The following RMDN2 variants were observed in gnomAD, a reference collection of about 807,000 sequenced individuals.
The protein encoded by RMDN2 is regulator of microtubule dynamics 2.
In RMDN2, 61 loss-of-function variants were observed where a neutral mutation model predicts 52.8. The observed-to-expected ratio is 1.16, with a 90% CI of 0.94 to 1.43. The LOEUF (loss-of-function observed/expected upper bound fraction) is 1.43. Among genes scored for constraint, RMDN2 ranks in the 40% most tolerant of loss-of-function variants. The pLI is 0.00. For synonymous variants in RMDN2, 180 were observed against 153.1 expected (o/e 1.18, Z -1.30); for missense variants, 592 against 475.3 (o/e 1.25, Z -2.28).
At chr2:38,062,956 T>C (rs1682118347) in intron 10 of RMDN2, among the ~76,000 whole-genome samples, 1 of 152,198 alleles carries the variant, frequency 6.6e-6, no homozygotes, top group Non-Finnish European at 1.5e-5. Context: ...CTCATCATTT[T>C]TTATGGTTGC....
chr2:38,052,583 C>T (rs1681667648), intron 10 of RMDN2, among the ~76,000 whole-genome samples: 1 of 152,100 alleles, frequency 6.6e-6, no homozygotes, highest in Admixed American at 6.6e-5. Context: ...GAGTCTTAGC[C>T]ATAAAATCTT....
At chr2:37,992,088 A>G (rs1365195646) in intron 7 of RMDN2, among the ~76,000 whole-genome samples, 2 of 152,192 alleles carry the variant, frequency 1.3e-5, no homozygotes, top group Non-Finnish European at 1.5e-5. Context: ...TCTGTCCTTT[A>G]TATTTCTTGC....
chr2:37,920,936 G>A (rs139918355), upstream of RMDN2, among the ~76,000 whole-genome samples: 63 of 152,270 alleles, frequency 4.1e-4, no homozygotes, highest in African/African-American at 1.1e-3. Context: ...GAAATACTGC[G>A]GAAAACCACT....
chr2:37,935,286 T>C (rs752840332), intron 2 of RMDN2, among the ~76,000 whole-genome samples: 2 of 152,254 alleles, frequency 1.3e-5, no homozygotes, highest in African/African-American at 2.4e-5. Flanking sequence ...ATACAGATTT[T>C]TGAGGTTTTA....
chr2:37,944,227 G>T (rs1668034991), intron 2 of RMDN2, among the ~76,000 whole-genome samples: 1 of 151,536 alleles, frequency 6.6e-6, no homozygotes, highest in South Asian at 2.1e-4. Flanking sequence ...ACTGGAGTTT[G>T]CTTTAGTTTT....
intron 10 of RMDN2, among the ~76,000 whole-genome samples, chr2:38,046,839 C>A (rs1681302319): frequency 6.6e-6 from 1 of 151,968 alleles, no homozygotes; most frequent in African/African-American, 2.4e-5. Flanking sequence ...AAAAATTAGC[C>A]AGGCCTAGTG....
intron 4 of RMDN2, among the ~76,000 whole-genome samples, chr2:37,980,306 TG>T (rs1424047786): frequency 6.6e-6 from 1 of 152,118 alleles, no homozygotes; most frequent in African/African-American, 2.4e-5. Context: ...TTATTATTTT[TG>T]GTTTTTTTTT....
intron 10 of RMDN2, among the ~76,000 whole-genome samples, chr2:38,050,913 T>G (rs1055905124): frequency 6.6e-6 from 1 of 152,150 alleles, no homozygotes; most frequent in South Asian, 2.1e-4. Context: ...AGCTGTGCAT[T>G]ACTACGCCCG....
chr2:37,938,097 G>A (rs1558442708), intron 2 of RMDN2, among the ~76,000 whole-genome samples: 1 of 152,162 alleles, frequency 6.6e-6, no homozygotes, highest in Non-Finnish European at 1.5e-5. Context: ...TTTTTAGCAT[G>A]AAGGGGTGTT....
chr2:38,041,431 T>TTTC (rs1363464804), intron 10 of RMDN2, among the ~76,000 whole-genome samples: 1 of 148,774 alleles, frequency 6.7e-6, no homozygotes, highest in Middle Eastern at 3.2e-3. Context: ...TTATTGGTTT[T>TTTC]TTTTTTTTTT....
intron 10 of RMDN2, among the ~76,000 whole-genome samples, chr2:38,009,750 T>C (rs1326860351): frequency 6.6e-6 from 1 of 152,232 alleles, no homozygotes; most frequent in Non-Finnish European, 1.5e-5. Context: ...CCGTTGCTGG[T>C]GAGGAGCTGC....
intron 10 of RMDN2, among the ~76,000 whole-genome samples, chr2:38,027,632 C>T (rs956749779): frequency 4.6e-5 from 7 of 152,156 alleles, no homozygotes; most frequent in African/African-American, 1.7e-4. Context: ...GGTTAGAGCT[C>T]TGAGACAATT....
chr2:37,995,366 C>CT (rs1553372281), intron 7 of RMDN2, among the ~76,000 whole-genome samples: 27 of 141,764 alleles, frequency 1.9e-4, no homozygotes, highest in South Asian at 1.8e-3. Flanking sequence ...ACTACTACTA[C>CT]ACACACACAC....
intron 2 of RMDN2, among the ~76,000 whole-genome samples, chr2:37,960,333 G>T (rs955835171): frequency 8.3e-6 from 1 of 120,296 alleles, no homozygotes. Context: ...CTCCTGTATT[G>T]GGTGTATATA....
chr2:37,991,285 A>C lies in RMDN2; in HGVS notation c.933A>C (p.Arg311Ser), dbSNP rs776173419. 2 of 1,513,042 alleles carry C rather than the reference A, an allele frequency of 1.3e-6. No individual in the cohort carries two copies. Among genetic ancestry groups the C allele is most frequent in the South Asian group, 2.6e-5 (2 of 78,244 alleles). The allele number at this position is 1,513,042 out of a possible 1,614,324, so 93.7% of individuals were successfully genotyped here. A position where few individuals can be genotyped will look rare whatever the true frequency, so the allele number is the denominator to read the frequency against. ...CCTTTCTATATTACCTCAAAGGGAG[A>C]TACTGCTATACTGTAAGTTGAATGC... ...EEPFLYYLKG[R>S]YCYTVSKLSW... The change falls in exon 7 of 11, where the codon AGA (arginine) becomes AGC (serine). Residue 311 changes from arginine (R) to serine (S), a missense_variant. Physicochemically the swap from Arg to Ser is moderately radical, Grantham distance 110. Transcript: ENST00000354545.
At chr2:37,968,825 A>G (rs148274391) in intron 2 of RMDN2, among the ~76,000 whole-genome samples, 97 of 152,354 alleles carry the variant, frequency 6.4e-4, no homozygotes, top group African/African-American at 2.2e-3. Context: ...GACATCAGAT[A>G]ATCTATGAAA....
upstream of RMDN2, among the ~76,000 whole-genome samples, chr2:37,924,026 A>G (rs1169161754): frequency 6.6e-6 from 1 of 152,230 alleles, no homozygotes; most frequent in East Asian, 1.9e-4. Context: ...CTGGGCTTAC[A>G]GTCGTGAGCC....
downstream of RMDN2, chr2:38,017,805 G>A (rs949348873): frequency 4.2e-6 from 1 of 239,448 alleles, no homozygotes; most frequent in Non-Finnish European, 8.6e-6. Flanking sequence ...GAGCAACAAG[G>A]CTATTTCATC....
chr2:38,055,475 G>C (rs1440393603), intron 10 of RMDN2, among the ~76,000 whole-genome samples: 3 of 152,148 alleles, frequency 2.0e-5, no homozygotes, highest in Non-Finnish European at 4.4e-5. Flanking sequence ...TATAAAGTAG[G>C]AAATTAGTTG....
Sources: allele counts gnomAD v4.1 joint callset (sites outside exome capture counted in the v4.1 genomes callset), GRCh38; gene constraint gnomAD v4.1.1; transcripts MANE v1.5; gene names NCBI Gene and HGNC (gene_info 2026-07-23, HGNC 2026-07-21).